The following LSM8 variants were observed in gnomAD, a reference collection of about 807,000 sequenced individuals.
LSM8 encodes LSM8 homolog, U6 small nuclear RNA associated, also known as LSM8 U6 small nuclear RNA associated.
LSM8 carries 14 observed loss-of-function variants against 15.0 expected under a neutral mutation model. The observed-to-expected ratio is 0.93, with a 90% CI of 0.62 to 1.46. The LOEUF (loss-of-function observed/expected upper bound fraction) is 1.46, where lower values mean the gene tolerates loss of function less well. Among genes scored for constraint, LSM8 ranks in the 40% most tolerant of loss-of-function variants. The pLI is 0.00. For synonymous variants in LSM8, 50 were observed against 42.1 expected (o/e 1.19, Z -0.73); for missense variants, 90 against 115.4 (o/e 0.78, Z 1.01).
Position 118,185,672 on chromosome 7 carries a change from C to A in LSM8, c.50C>A (p.Thr17Lys). 6.2e-7 allele frequency: 1 copy of A among 1,611,364 alleles called. No individual in the cohort carries two copies. Among genetic ancestry groups the A allele is most frequent in the Non-Finnish European group, 8.5e-7 (1 of 1,177,732 alleles). The change falls in exon 2 of 4, where the codon ACA (threonine) becomes AAA (lysine). Residue 17 changes from threonine (T) to lysine (K), a missense_variant. Coordinates refer to ENST00000249299, the MANE Select transcript of LSM8 (RefSeq NM_016200.5). ...NYINRTVAVI[T>K]SDGRMIVGTL... ...TTATCAGGAACTGTTGCCGTTATTACATCAGATGGGAGAATGATTGTGGTA... is the reference window on the plus strand; with the variant it reads ...TTATCAGGAACTGTTGCCGTTATTAAATCAGATGGGAGAATGATTGTGGTA...
rs1335049541 is a variant in LSM8, at chr7:118,198,517, T to C, written c.*6515T>C. ...GGTAAACTGGTGTTTGAAGGCAATA[T>C]ATAAAAGCTTCCCATGCATGGCAAA... On this transcript the variant is annotated 3_prime_UTR_variant, in exon 4 of 4. Transcript: ENST00000249299. Among the ~76,000 whole-genome samples, 1 of 152,140 alleles carries C rather than the reference T, an allele frequency of 6.6e-6. No homozygotes were observed. The highest frequency in any genetic ancestry group is 1.5e-5 in the Non-Finnish European group (1 of 68,014).
intron 2 of LSM8, among the ~76,000 whole-genome samples, chr7:118,188,072 G>A (rs1212736820): frequency 6.6e-6 from 1 of 152,096 alleles, no homozygotes; most frequent in African/African-American, 2.4e-5. Context: ...TGAGATGTGT[G>A]GTGCAGGTCC....
At position 118,193,685 on chromosome 7, in the gene LSM8, T is replaced by G. The variant is rs984416362; in HGVS notation, c.*1683T>G. On this transcript the variant is annotated 3_prime_UTR_variant, in exon 4 of 4. Coordinates refer to ENST00000249299, the MANE Select transcript of LSM8 (RefSeq NM_016200.5). ...AAATTTAGGGACTGTGAATGAAATA[T>G]TGTAGTATATGGCATTTTGAATTGG... Among the ~76,000 whole-genome samples the G allele has an allele frequency of 6.6e-6, 1 of 152,122 alleles. No individual in the cohort carries two copies. Among genetic ancestry groups the G allele is most frequent in the Non-Finnish European group, 1.5e-5 (1 of 67,984 alleles).
chr7:118,203,828 C>G lies in LSM8; in HGVS notation c.*11826C>G, dbSNP rs966130515. Among the ~76,000 whole-genome samples, 3 of 151,582 alleles carry G rather than the reference C, an allele frequency of 2.0e-5. No individual in the cohort carries two copies. Among genetic ancestry groups the G allele is most frequent in the Non-Finnish European group, 3.0e-5 (2 of 67,712 alleles). On this transcript the variant is annotated 3_prime_UTR_variant, in exon 4 of 4. Coordinates refer to ENST00000249299, the MANE Select transcript of LSM8 (RefSeq NM_016200.5). ...ATACTCATCCTTTATATTTATCATG[C>G]TTTTTTGAATAAATTTGCCACCTTA...
In LSM8 at chr7:118,195,663, A is replaced by G. The variant is rs1281377136; in HGVS notation, c.*3661A>G. Reference sequence around the variant, plus strand: ...CAAAGGTCTTTCACATGTAAAGAGGAACCTCTCCATTCTGTACTTGTATAG... The same window carrying G: ...CAAAGGTCTTTCACATGTAAAGAGGGACCTCTCCATTCTGTACTTGTATAG... On this transcript the variant is annotated 3_prime_UTR_variant, in exon 4 of 4. Coordinates refer to ENST00000249299, the MANE Select transcript of LSM8 (RefSeq NM_016200.5). 6.6e-6 allele frequency among the ~76,000 whole-genome samples: 1 copy of G among 152,170 alleles called. No individual in the cohort carries two copies. The highest frequency in any genetic ancestry group is 2.4e-5 in the African/African-American group (1 of 41,440).
Position 118,184,200 on chromosome 7 carries a change from C to T in LSM8, c.-24C>T, listed in dbSNP as rs757504248. ...GCTTGCTGTCGGCACCGCTGCGTTA[C>T]CCGGAACCGCCGGGCCGAACAGCAT... is the stretch of plus-strand genomic sequence containing the variant. On this transcript the variant is annotated 5_prime_UTR_variant, in exon 1 of 4. Coordinates refer to ENST00000249299, the MANE Select transcript of LSM8 (RefSeq NM_016200.5). The T allele has an allele frequency of 1.3e-6, 2 of 1,543,300 alleles. No individual in the cohort carries two copies. Among genetic ancestry groups the T allele is most frequent in the South Asian group, 1.2e-5 (1 of 83,852 alleles).
Position 118,188,498 on chromosome 7 carries a change from A to G in LSM8, c.200+93A>G. 4.4e-6 allele frequency: 5 copies of G among 1,137,202 alleles called. 1 individual carries two copies. In the South Asian group the frequency reaches 6.6e-5, roughly 15 times the overall value. The allele number at this position is 1,137,202 out of a possible 1,614,324, so 70.4% of individuals were successfully genotyped here. On this transcript the variant is annotated intron_variant, in intron 3 of 3. Coordinates refer to ENST00000249299, the MANE Select transcript of LSM8 (RefSeq NM_016200.5). ...CAAAATACCCTACTGTATTGTCCATACATAGTTAATAGAATCTTGCATTCA... is the reference window on the plus strand; with the variant it reads ...CAAAATACCCTACTGTATTGTCCATGCATAGTTAATAGAATCTTGCATTCA...
Position 118,202,199 on chromosome 7 carries a change from TGAA to T in LSM8, c.*10201_*10203del, listed in dbSNP as rs1213941343. ...TTGCTTGTGTCACACATAATGCTGA[TGAA>T]GAAACCATGAAGTGTCATATGAAAG... is the stretch of plus-strand genomic sequence containing the variant. On this transcript the variant is annotated 3_prime_UTR_variant, in exon 4 of 4. Coordinates refer to ENST00000249299, the MANE Select transcript of LSM8 (RefSeq NM_016200.5). Among the ~76,000 whole-genome samples, 1 of 152,090 alleles carries T rather than the reference TGAA, an allele frequency of 6.6e-6. No individual in the cohort carries two copies. The highest frequency in any genetic ancestry group is 1.5e-5 in the Non-Finnish European group (1 of 67,982).
In LSM8 at chr7:118,195,093, A is replaced by G. The variant is rs1373674067; in HGVS notation, c.*3091A>G. Among the ~76,000 whole-genome samples, 1 of 152,202 alleles carries G rather than the reference A, an allele frequency of 6.6e-6. No individual in the cohort carries two copies. The highest frequency in any genetic ancestry group is 2.4e-5 in the African/African-American group (1 of 41,470). Reference sequence around the variant, plus strand: ...GATCTAACGCAGTTCCCAAACCTGCATTGTGGGCCGTTTTCATTACAATTA... The same window carrying G: ...GATCTAACGCAGTTCCCAAACCTGCGTTGTGGGCCGTTTTCATTACAATTA... On this transcript the variant is annotated 3_prime_UTR_variant, in exon 4 of 4. Transcript: ENST00000249299.
chr7:118,202,699 A>G lies in LSM8; in HGVS notation c.*10697A>G, dbSNP rs1164498754. Among the ~76,000 whole-genome samples, 1 of 151,404 alleles carries G rather than the reference A, an allele frequency of 6.6e-6. No homozygotes were observed. The highest frequency in any genetic ancestry group is 2.4e-5 in the African/African-American group (1 of 41,216). ...TTTATAGTGACATTTTGCCACTCCA[A>G]ATAAAAAAAGGGTTGCTGTTAGGAA... On this transcript the variant is annotated 3_prime_UTR_variant, in exon 4 of 4. Coordinates refer to ENST00000249299, the MANE Select transcript of LSM8 (RefSeq NM_016200.5).
At position 118,196,792 on chromosome 7, in the gene LSM8, C is replaced by T. The variant is rs1268320012; in HGVS notation, c.*4790C>T. ...TTCGCCAGGCTGGAGTGCAGTGGTG[C>T]AATCTTGGCTCACTACAACCTCCGC... is the stretch of plus-strand genomic sequence containing the variant. On this transcript the variant is annotated 3_prime_UTR_variant, in exon 4 of 4. Coordinates refer to ENST00000249299, the MANE Select transcript of LSM8 (RefSeq NM_016200.5). Among the ~76,000 whole-genome samples, 3 of 150,438 alleles carry T rather than the reference C, an allele frequency of 2.0e-5. No individual in the cohort carries two copies. The highest frequency in any genetic ancestry group is 4.9e-5 in the African/African-American group (2 of 40,778).
Position 118,200,550 on chromosome 7 carries a change from CTATT to C in LSM8, c.*8555_*8558del, listed in dbSNP as rs1262893573. 1.5e-4 allele frequency among the ~76,000 whole-genome samples: 23 copies of C among 152,148 alleles called. No homozygotes were observed. Among genetic ancestry groups the C allele is most frequent in the African/African-American group, 5.5e-4 (23 of 41,532 alleles). ...TTTAATATTTTCATTTATGTTTATA[CTATT>C]TATTTAAATGCGGAGAACATGGCTA... On this transcript the variant is annotated 3_prime_UTR_variant, in exon 4 of 4. Transcript: ENST00000249299.
Position 118,195,201 on chromosome 7 carries a change from A to G in LSM8, c.*3199A>G, listed in dbSNP as rs1334072874. ...AATGGAGCAAAAAGGAATAGTCACT[A>G]AACAGCGAAGGAAAGTGGTGGAATT... On this transcript the variant is annotated 3_prime_UTR_variant, in exon 4 of 4. Coordinates refer to ENST00000249299, the MANE Select transcript of LSM8 (RefSeq NM_016200.5). Among the ~76,000 whole-genome samples, 5 of 152,164 alleles carry G rather than the reference A, an allele frequency of 3.3e-5. No homozygotes were observed. The highest frequency in any genetic ancestry group is 1.3e-4 in the Admixed American group (2 of 15,270).
Position 118,192,085 on chromosome 7 carries a change from T to C in LSM8, c.*83T>C, listed in dbSNP as rs540825098. ...GGATGATATATGGAGTTTTTATGAGTGTGTCACTGGATTTTGACTCCTTAT... is the reference window on the plus strand; with the variant it reads ...GGATGATATATGGAGTTTTTATGAGCGTGTCACTGGATTTTGACTCCTTAT... On this transcript the variant is annotated 3_prime_UTR_variant, in exon 4 of 4. Coordinates refer to ENST00000249299, the MANE Select transcript of LSM8 (RefSeq NM_016200.5). The C allele has an allele frequency of 1.3e-5, 11 of 847,778 alleles. 1 individual carries two copies. The South Asian group carries it at 1.8e-4, about 14-fold the overall frequency. The allele number at this position is 847,778 out of a possible 1,614,324, so 52.5% of individuals were successfully genotyped here.
intron 2 of LSM8, 139 bp downstream of exon 2, chr7:118,185,833 C>G: frequency 1.4e-6 from 1 of 713,438 alleles, no homozygotes; most frequent in Non-Finnish European, 2.3e-6. Flanking sequence ...CTCTTTATCA[C>G]TTTGCTGTCA....
chr7:118,186,255 G>A (rs991044322), intron 2 of LSM8, among the ~76,000 whole-genome samples: 1 of 152,056 alleles, frequency 6.6e-6, no homozygotes, highest in Non-Finnish European at 1.5e-5. Context: ...AAGATAAAAC[G>A]TTCCTATAGT....
chr7:118,188,358 G>T lies in LSM8; in HGVS notation c.153G>T (p.Gly51=), dbSNP rs540832354. The change falls in exon 3 of 4, where the codon GGG becomes GGT. Residue 51 remains glycine, a synonymous_variant. Transcript: ENST00000249299. The stretch of plus-strand genomic sequence containing the variant: ...AACGAGTATTCAGCTCTTCACAGGG[G>T]GTAGAACAAGTGGTACTAGGATTAT... The part of the protein sequence containing the change: ...SHERVFSSSQ[G]VEQVVLGLYI... 6.2e-7 allele frequency: 1 copy of T among 1,613,218 alleles called. No individual in the cohort carries two copies. The highest frequency in any genetic ancestry group is 1.3e-5 in the African/African-American group (1 of 74,956).
chr7:118,186,950 A>G (rs986836099), intron 2 of LSM8, among the ~76,000 whole-genome samples: 2 of 152,242 alleles, frequency 1.3e-5, no homozygotes, highest in African/African-American at 4.8e-5. Context: ...GGTAGATAAT[A>G]AACTGAGAAA....
At position 118,191,923 on chromosome 7, in the gene LSM8, G is replaced by T. The variant is rs764523641; in HGVS notation, c.212G>T (p.Gly71Val). 6.2e-7 allele frequency: 1 copy of T among 1,611,412 alleles called. No homozygotes were observed. The highest frequency in any genetic ancestry group is 8.5e-7 in the Non-Finnish European group (1 of 1,178,380). ...IVRGDNVAVIGEIDEETDSAL... is the reference protein window; with the variant it reads ...IVRGDNVAVIVEIDEETDSAL... ...TCTGACTTTTTTAGTGCAGTCATTG[G>T]AGAAATCGATGAAGAAACAGATTCT... is the stretch of plus-strand genomic sequence containing the variant. Residue 71 changes from glycine to valine, a missense_variant, in exon 4 of 4, where the codon GGA becomes GTA. Gly to Val is a moderately radical substitution (Grantham distance 109, BLOSUM62 -3). Coordinates refer to ENST00000249299, the MANE Select transcript of LSM8 (RefSeq NM_016200.5).
Sources: allele counts gnomAD v4.1 joint callset (sites outside exome capture counted in the v4.1 genomes callset), GRCh38; gene constraint gnomAD v4.1.1; transcripts MANE v1.5; gene names NCBI Gene and HGNC (gene_info 2026-07-23, HGNC 2026-07-21).